SLC15A5: variants seen among roughly 807,000 people sequenced by gnomAD.
SLC15A5 encodes the protein Peptide/histidine transporter ENSP00000340402.
In SLC15A5, 58 loss-of-function variants were observed where a neutral mutation model predicts 56.1. The observed-to-expected ratio is 1.03, with a 90% CI of 0.84 to 1.29. The LOEUF is 1.29. Ranked by LOEUF, SLC15A5 falls within the 50% of genes most tolerant of loss-of-function variation. SLC15A5 has a pLI of 0.00. For missense variants in SLC15A5, 681 were observed against 672.1 expected, an observed-to-expected ratio of 1.01 and a Z score of -0.15; for synonymous variants, 264 against 250.5, an observed-to-expected ratio of 1.05 and a Z score of -0.51.
intron 3 of SLC15A5, among the ~76,000 whole-genome samples, chr12:16,257,188 A>G (rs962126706): frequency 1.3e-5 from 2 of 152,086 alleles, no homozygotes; most frequent in Non-Finnish European, 2.9e-5. Flanking sequence ...ATGGAATTTA[A>G]CTTTTATGTA....
chr12:16,190,649 T>G (rs999659849), intron 8 of SLC15A5, among the ~76,000 whole-genome samples: 4 of 152,156 alleles, frequency 2.6e-5, no homozygotes, highest in African/African-American at 9.7e-5. Flanking sequence ...CACATAAGTT[T>G]CAAAAATAGA....
rs540688597 is a variant in SLC15A5, at chr12:16,193,822, A to C, written c.1592+523T>G. On this transcript the variant is annotated intron_variant, in intron 8 of 8. Coordinates refer to ENST00000344941, the MANE Select transcript of SLC15A5 (RefSeq NM_001170798.1). Reference sequence around the variant, plus strand: ...GAGAGAGAGAGAGAGAGAGAGAGAGAGAGAGAGAGAGAGAGAGAGAGAGGC... The same window carrying C: ...GAGAGAGAGAGAGAGAGAGAGAGAGCGAGAGAGAGAGAGAGAGAGAGAGGC... Among the ~76,000 whole-genome samples, 11 of 89,182 alleles carry C rather than the reference A, an allele frequency of 1.2e-4. No individual in the cohort carries two copies. In the South Asian group the frequency reaches 3.0e-3, roughly 24 times the overall value. 58.5% of individuals were successfully genotyped at this position (89,182 alleles called of 152,430 possible). A position where few individuals can be genotyped will look rare whatever the true frequency, so the allele number is the denominator to read the frequency against.
intron 5 of SLC15A5, among the ~76,000 whole-genome samples, chr12:16,226,213 T>C (rs1261578684): frequency 6.6e-6 from 1 of 152,196 alleles, no homozygotes. Flanking sequence ...TAATCCCTAA[T>C]ACAATGCAAA....
chr12:16,254,483 A>G (rs189910878), intron 3 of SLC15A5, among the ~76,000 whole-genome samples: 4 of 152,246 alleles, frequency 2.6e-5, no homozygotes, highest in African/African-American at 4.8e-5. Context: ...CCTTAACACA[A>G]TGTCTTCCAG....
intron 5 of SLC15A5, among the ~76,000 whole-genome samples, chr12:16,232,349 G>A (rs943368457): frequency 1.4e-4 from 21 of 152,036 alleles, no homozygotes; most frequent in African/African-American, 4.8e-4. Context: ...GATTTGAAGA[G>A]AAAATATTGA....
Position 16,189,770 on chromosome 12 carries a change from A to G in SLC15A5, c.1638T>C (p.Ser546=). 6.5e-7 allele frequency: 1 copy of G among 1,529,188 alleles called. No homozygotes were observed. The highest frequency in any genetic ancestry group is 8.7e-7 in the Non-Finnish European group (1 of 1,143,002). The allele number at this position is 1,529,188 out of a possible 1,614,324, so 94.7% of individuals were successfully genotyped here. Reference sequence around the variant, plus strand: ...GGAGGAGAAGTGTTTCTTCAAGATTACTTCCACGGATGTTCTGGGCATTAA... The same window carrying G: ...GGAGGAGAAGTGTTTCTTCAAGATTGCTTCCACGGATGTTCTGGGCATTAA... ...NHFNAQNIRG[S]NLEETLLLHE... The change falls in exon 9 of 9, where the codon AGT becomes AGC. Residue 546 remains serine (S), a synonymous_variant. Coordinates refer to ENST00000344941, the MANE Select transcript of SLC15A5 (RefSeq NM_001170798.1).
chr12:16,271,101 A>G lies in SLC15A5; in HGVS notation c.584+1460T>C, dbSNP rs1864749798. On this transcript the variant is annotated intron_variant, in intron 2 of 8. Transcript: ENST00000344941. This position sits in a 1 kb window ranked among gnomAD's most constrained non-coding sequence, Gnocchi z 8.0. Reference sequence around the variant, plus strand: ...TTGGCCTGGTTCCTTACAGCTGCAGAAATTCATTTTCACCCCATTCCCCAT... The same window carrying G: ...TTGGCCTGGTTCCTTACAGCTGCAGGAATTCATTTTCACCCCATTCCCCAT... Among the ~76,000 whole-genome samples the G allele has an allele frequency of 2.0e-5, 3 of 152,162 alleles. No homozygotes were observed. The highest frequency in any genetic ancestry group is 2.1e-4 in the South Asian group (1 of 4,830).
chr12:16,191,617 A>G (rs577178759), intron 8 of SLC15A5, among the ~76,000 whole-genome samples: 8 of 152,192 alleles, frequency 5.3e-5, no homozygotes, highest in Admixed American at 1.3e-4. Context: ...TTGCATGCTT[A>G]TTGTTCATTA....
At chr12:16,265,729 C>T (rs4110096) in intron 2 of SLC15A5, among the ~76,000 whole-genome samples, 2 of 152,106 alleles carry the variant, frequency 1.3e-5, no homozygotes, top group East Asian at 1.9e-4. Flanking sequence ...GCAATCCACC[C>T]GCTTTGGCCT....
intron 6 of SLC15A5, among the ~76,000 whole-genome samples, chr12:16,222,079 T>C (rs1259834983): frequency 6.6e-6 from 1 of 152,210 alleles, no homozygotes; most frequent in African/African-American, 2.4e-5. Context: ...ATTGTGGTTT[T>C]TGCCATTACT....
intron 7 of SLC15A5, among the ~76,000 whole-genome samples, chr12:16,211,503 T>C (rs1363982781): frequency 6.6e-6 from 1 of 152,202 alleles, no homozygotes; most frequent in Non-Finnish European, 1.5e-5. Flanking sequence ...TTATCCCTTT[T>C]TTTTTCTTAA....
At chr12:16,247,656 C>T (rs1440246713) in intron 3 of SLC15A5, among the ~76,000 whole-genome samples, 1 of 151,976 alleles carries the variant, frequency 6.6e-6, no homozygotes, top group Non-Finnish European at 1.5e-5. Flanking sequence ...CCAGGCTTAT[C>T]ATGAAGTAGA....
intron 4 of SLC15A5, among the ~76,000 whole-genome samples, chr12:16,241,142 T>G (rs1864411429): frequency 6.6e-6 from 1 of 152,040 alleles, no homozygotes; most frequent in South Asian, 2.1e-4. Context: ...GCATAGTATT[T>G]CTTTAATTCC....
At chr12:16,275,810 A>G (rs1353116030) in intron 1 of SLC15A5, among the ~76,000 whole-genome samples, 1 of 152,048 alleles carries the variant, frequency 6.6e-6, no homozygotes, top group Non-Finnish European at 1.5e-5. Flanking sequence ...ACCATGTTAA[A>G]CAAGAAGTCA....
chr12:16,271,552 A>G lies in SLC15A5; in HGVS notation c.584+1009T>C, dbSNP rs1864756587. 6.7e-6 allele frequency among the ~76,000 whole-genome samples: 1 copy of G among 149,568 alleles called. No homozygotes were observed. Among genetic ancestry groups the G allele is most frequent in the Non-Finnish European group, 1.5e-5 (1 of 67,650 alleles). ...GGGCTGAGTGCTTTGTAATATTAATATAATTGGAGAAAGAAAAAAGGGGAG... is the reference window on the plus strand; with the variant it reads ...GGGCTGAGTGCTTTGTAATATTAATGTAATTGGAGAAAGAAAAAAGGGGAG... On this transcript the variant is annotated intron_variant, in intron 2 of 8. Coordinates refer to ENST00000344941, the MANE Select transcript of SLC15A5 (RefSeq NM_001170798.1). This position sits in a 1 kb window ranked among gnomAD's most constrained non-coding sequence, Gnocchi z 8.0.
chr12:16,276,526 C>G (rs1198125801), intron 1 of SLC15A5, among the ~76,000 whole-genome samples: 1 of 151,964 alleles, frequency 6.6e-6, no homozygotes, highest in Non-Finnish European at 1.5e-5. Context: ...ATTTTCTGAT[C>G]TCTCTCTATT....
At chr12:16,238,555 G>T (rs1671517) in intron 5 of SLC15A5, among the ~76,000 whole-genome samples, 1 of 149,502 alleles carries the variant, frequency 6.7e-6, no homozygotes, top group African/African-American at 2.5e-5. Context: ...GCGTGAACCC[G>T]GGAGGAAGAG....
At chr12:16,240,180 A>G (rs1021603221) in intron 4 of SLC15A5, among the ~76,000 whole-genome samples, 1 of 152,224 alleles carries the variant, frequency 6.6e-6, no homozygotes, top group African/African-American at 2.4e-5. Flanking sequence ...AAAGCCAAAT[A>G]ACTTAAATTC....
At chr12:16,275,926 C>T (rs781019452) in intron 1 of SLC15A5, among the ~76,000 whole-genome samples, 1 of 151,968 alleles carries the variant, frequency 6.6e-6, no homozygotes, top group Non-Finnish European at 1.5e-5. Flanking sequence ...TACCAAGTAG[C>T]AGCCTCATCA....
Sources: gnomAD v4.1 joint callset for allele counts (sites outside exome capture counted in the v4.1 genomes callset) on GRCh38, gnomAD v4.1.1 for gene constraint, Gnocchi (gnomAD v3.1) non-coding constraint, MANE v1.5 for transcripts, NCBI Gene and HGNC (gene_info 2026-07-23, HGNC 2026-07-21) for gene names.